Variants in LHFPL2 observed in about 807,000 individuals in gnomAD.
LHFPL2 encodes the protein LHFPL tetraspan subfamily member 2 protein.
Under a neutral mutation model 17.5 loss-of-function variants are expected in LHFPL2, and 7 were observed. That is an observed-to-expected ratio of 0.40 (90% CI 0.23 to 0.75). LHFPL2 has a LOEUF of 0.75. LHFPL2 is among the 30% of genes least tolerant of loss of function. The probability of loss-of-function intolerance (pLI) is 0.37; values close to 1 mark genes in which losing one functional copy is unlikely to be tolerated. For missense variants in LHFPL2, 241 were observed against 294.8 expected (o/e 0.82, Z 1.34); for synonymous variants, 134 against 116.2 (o/e 1.15, Z -0.99).
chr5:78,542,938 T>A (rs1370692397), intron 3 of LHFPL2, among the ~76,000 whole-genome samples: 1 of 152,140 alleles, frequency 6.6e-6, no homozygotes, highest in Non-Finnish European at 1.5e-5. Flanking sequence ...AGTCCTCTTT[T>A]AACAAAACGC....
rs766301751 is a variant in LHFPL2 at position 78,637,171 on chromosome 5, CT to C, written c.-349-4804del. On this transcript the variant is annotated intron_variant, in intron 1 of 4. Transcript: ENST00000380345. The stretch of plus-strand genomic sequence containing the variant: ...CCGGGTAGGGTCTGGTCACATATGT[CT>C]AGCTAGCACCTTAGCAGAGTGTCAG... Among the ~76,000 whole-genome samples, 5 of 152,262 alleles carry C rather than the reference CT, an allele frequency of 3.3e-5. No homozygotes were observed. The East Asian group carries it at 5.8e-4, about 18-fold the overall frequency.
chr5:78,489,884 T>C (rs1017961179), intron 4 of LHFPL2, among the ~76,000 whole-genome samples: 5 of 141,184 alleles, frequency 3.5e-5, no homozygotes, highest in Admixed American at 3.4e-4. Context: ...AAATGTTTAC[T>C]GTCTGGCTTT....
At chr5:78,521,675 C>T (rs1011959008) in intron 3 of LHFPL2, among the ~76,000 whole-genome samples, 1 of 152,220 alleles carries the variant, frequency 6.6e-6, no homozygotes, top group South Asian at 2.1e-4. Flanking sequence ...CAGTCAGCCA[C>T]GCACATCCTA....
chr5:78,580,259 G>A (rs1358518241), intron 2 of LHFPL2, among the ~76,000 whole-genome samples: 5 of 152,176 alleles, frequency 3.3e-5, no homozygotes, highest in Non-Finnish European at 7.3e-5. Context: ...TTTGTCAGAT[G>A]AGTAGGTTGC....
intron 2 of LHFPL2, among the ~76,000 whole-genome samples, chr5:78,626,926 C>T (rs1361863209): frequency 6.6e-6 from 1 of 151,760 alleles, no homozygotes; most frequent in Non-Finnish European, 1.5e-5. Context: ...ACTAAAAATA[C>T]AAAAATTGGC....
intron 2 of LHFPL2, among the ~76,000 whole-genome samples, chr5:78,585,435 C>T (rs970035357): frequency 6.6e-6 from 1 of 152,176 alleles, no homozygotes; most frequent in African/African-American, 2.4e-5. Flanking sequence ...TTGAGCTTCC[C>T]GAGTGAGGCA....
At chr5:78,580,523 T>C (rs1743083512) in intron 2 of LHFPL2, among the ~76,000 whole-genome samples, 2 of 148,912 alleles carry the variant, frequency 1.3e-5, no homozygotes, top group South Asian at 2.2e-4. Context: ...GATTTTTGTA[T>C]AAGGTGTAAG....
chr5:78,593,715 G>A (rs1055497224), intron 2 of LHFPL2, among the ~76,000 whole-genome samples: 2 of 152,194 alleles, frequency 1.3e-5, no homozygotes, highest in Non-Finnish European at 2.9e-5. Flanking sequence ...CCAGACCAGA[G>A]ACTGGAAGGA....
At chr5:78,490,875 G>T (rs946348782) in intron 4 of LHFPL2, among the ~76,000 whole-genome samples, 13 of 152,182 alleles carry the variant, frequency 8.5e-5, no homozygotes, top group African/African-American at 3.1e-4. Flanking sequence ...TTAGATACTG[G>T]GGAATATCAA....
In LHFPL2 at chr5:78,488,846, G is replaced by A. The variant is rs767534706; in HGVS notation, c.*51C>T. The A allele has an allele frequency of 1.4e-5, 23 of 1,588,684 alleles. No homozygotes were observed. The highest frequency in any genetic ancestry group is 2.0e-5 in the Non-Finnish European group (23 of 1,164,494). On this transcript the variant is annotated 3_prime_UTR_variant, in exon 5 of 5. Transcript: ENST00000380345. ...ACTTGACTCAAATGATGAAACTGTG[G>A]ACTGTTTCACAAGATTACTCAAGGG... is the stretch of plus-strand genomic sequence containing the variant.
intron 2 of LHFPL2, among the ~76,000 whole-genome samples, chr5:78,604,971 T>C (rs896156249): frequency 6.6e-6 from 1 of 152,272 alleles, no homozygotes; most frequent in African/African-American, 2.4e-5. Context: ...GCAATGTATT[T>C]GCACAGTTTC....
intron 2 of LHFPL2, among the ~76,000 whole-genome samples, chr5:78,568,913 G>A (rs1178558501): frequency 1.3e-5 from 2 of 152,164 alleles, no homozygotes; most frequent in African/African-American, 4.8e-5. Flanking sequence ...TGGGTGGGGA[G>A]AGACATCTTT....
chr5:78,540,477 T>C (rs1377199630), intron 3 of LHFPL2, among the ~76,000 whole-genome samples: 1 of 152,222 alleles, frequency 6.6e-6, no homozygotes, highest in Non-Finnish European at 1.5e-5. Context: ...GATCCTGGCC[T>C]CAGCCATCCT....
At chr5:78,622,222 C>T (rs1161460921) in intron 2 of LHFPL2, among the ~76,000 whole-genome samples, 2 of 152,124 alleles carry the variant, frequency 1.3e-5, no homozygotes, top group East Asian at 3.9e-4. Context: ...CACTACATGC[C>T]TAAAACAACA....
chr5:78,623,066 C>A (rs1744914480), intron 2 of LHFPL2, among the ~76,000 whole-genome samples: 1 of 152,186 alleles, frequency 6.6e-6, no homozygotes, highest in Non-Finnish European at 1.5e-5. Context: ...ATCAAGATTT[C>A]TCTGACTTGC....
intron 2 of LHFPL2, among the ~76,000 whole-genome samples, chr5:78,619,590 T>C (rs1744758942): frequency 6.9e-6 from 1 of 144,806 alleles, no homozygotes; most frequent in Non-Finnish European, 1.5e-5. Context: ...CATGCTGGTG[T>C]GCTGCACCCA....
rs76551959 is a variant in LHFPL2 at position 78,565,126 on chromosome 5, C to T, written c.-244-255G>A. ...GAATGTCCAGCTTGTGAACATGTAC[C>T]TAATTACATCGTTTCCTTTCCCCTC... On this transcript the variant is annotated intron_variant, in intron 2 of 4. Coordinates refer to ENST00000380345, the MANE Select transcript of LHFPL2 (RefSeq NM_005779.3). Among the ~76,000 whole-genome samples, 318 of 152,250 alleles carry T rather than the reference C, an allele frequency of 2.1e-3. 1 individual carries two copies. Among genetic ancestry groups the T allele is most frequent in the African/African-American group, 7.3e-3 (304 of 41,540 alleles).
At chr5:78,638,137 G>A (rs1225585689) in intron 1 of LHFPL2, among the ~76,000 whole-genome samples, 6 of 152,258 alleles carry the variant, frequency 3.9e-5, no homozygotes, top group Non-Finnish European at 7.4e-5. Context: ...GGTGGATCAC[G>A]AGGTCAGGAG....
intron 3 of LHFPL2, among the ~76,000 whole-genome samples, chr5:78,564,492 C>T (rs1561341327): frequency 6.6e-6 from 1 of 151,888 alleles, no homozygotes; most frequent in African/African-American, 2.4e-5. Context: ...CAGAGAAGCT[C>T]GAAAGGAAAG....
Sources: allele counts gnomAD v4.1 joint callset (sites outside exome capture counted in the v4.1 genomes callset), GRCh38; gene constraint gnomAD v4.1.1; transcripts MANE v1.5; gene names NCBI Gene and HGNC (gene_info 2026-07-23, HGNC 2026-07-21).